Variants in MUC5B observed in about 807,000 individuals in gnomAD.
The protein encoded by MUC5B is mucin-5B.
In MUC5B, 116 loss-of-function variants were observed where a neutral mutation model predicts 376.9. The observed-to-expected ratio is 0.31, with a 90% CI of 0.26 to 0.36. The LOEUF (loss-of-function observed/expected upper bound fraction) is 0.36, where lower values mean the gene tolerates loss of function less well. MUC5B is among the 10% of genes least tolerant of loss of function. The pLI, the probability that MUC5B is intolerant of heterozygous loss-of-function variation, is 1.00. For synonymous variants in MUC5B, 3,517 were observed against 3,390.9 expected (o/e 1.04, Z -1.29); for missense variants, 7,165 against 7,769.9 (o/e 0.92, Z 2.93).
rs570220257 is a variant in MUC5B at position 1,233,361 on chromosome 11, C to G, written c.2321+93C>G. 147 of 1,372,838 alleles carry G rather than the reference C, an allele frequency of 1.1e-4. No homozygotes were observed. The Middle Eastern group carries it at 2.3e-3, about 22-fold the overall frequency. 85.0% of individuals were successfully genotyped at this position (1,372,838 alleles called of 1,614,324 possible). On this transcript the variant is annotated intron_variant, in intron 18 of 48. Transcript: ENST00000529681. ...GCTTCTGTGCCTCCCCCCGAGGGTTCTGAGACATGAGGGGCCAGGCTGGGG... is the reference window on the plus strand; with the variant it reads ...GCTTCTGTGCCTCCCCCCGAGGGTTGTGAGACATGAGGGGCCAGGCTGGGG...
rs1861946382 is a variant in MUC5B, at chr11:1,228,679, G to A, written c.890G>A (p.Cys297Tyr). Residue 297 changes from cysteine to tyrosine, a missense_variant, in exon 8 of 49, where the codon TGC becomes TAC. Physicochemically the swap from Cys to Tyr is radical, Grantham distance 194. Transcript: ENST00000529681. ...CAQDLCRCPTCPCATFVEYSR... is the reference protein window; with the variant it reads ...CAQDLCRCPTYPCATFVEYSR... Reference sequence around the variant, plus strand: ...CAGGACCTGTGCCGCTGCCCCACCTGCCCGTGTGCCACCTTTGTGGAATAC... The same window carrying A: ...CAGGACCTGTGCCGCTGCCCCACCTACCCGTGTGCCACCTTTGTGGAATAC... The A allele has an allele frequency of 6.5e-7, 1 of 1,534,452 alleles. No homozygotes were observed. Among genetic ancestry groups the A allele is most frequent in the Non-Finnish European group, 8.7e-7 (1 of 1,146,290 alleles).
chr11:1,230,951 G>A lies in MUC5B; in HGVS notation c.1486G>A (p.Ala496Thr). ...DGGDTAIRVQ[A>T]DGGVFLNSIY... ...CCTTCCGCAGGCCATCCGGGTCCAA[G>A]CGGACGGCGGCGTGTTCCTCAACTC... The change falls in exon 13 of 49, where the codon GCG (alanine) becomes ACG (threonine). Residue 496 changes from alanine (A) to threonine (T), a missense_variant. Transcript: ENST00000529681. The A allele has an allele frequency of 6.3e-7, 1 of 1,593,430 alleles. No individual in the cohort carries two copies. The highest frequency in any genetic ancestry group is 8.5e-7 in the Non-Finnish European group (1 of 1,171,426).
rs759468470 is a variant in MUC5B, at chr11:1,250,391, C to A, written c.13511C>A (p.Ala4504Glu). ...KATPSSSPGT[A>E]TALPALRSTA... is the part of the protein sequence containing the mutation. ...ACTCCCTCCTCCAGTCCAGGGACTG[C>A]AACTGCCCTTCCAGCACTGAGAAGC... is the stretch of plus-strand genomic sequence containing the variant. Residue 4504 changes from alanine to glutamate, a missense_variant, in exon 31 of 49, where the codon GCA becomes GAA. By Grantham distance (107) the Ala-to-Glu change is moderately radical (BLOSUM62 -1). Coordinates refer to ENST00000529681, the MANE Select transcript of MUC5B (RefSeq NM_002458.3). 1.2e-6 allele frequency: 2 copies of A among 1,613,410 alleles called. No homozygotes were observed. The highest frequency in any genetic ancestry group is 8.5e-7 in the Non-Finnish European group (1 of 1,179,646).
rs776969795 is a variant in MUC5B, at chr11:1,248,682, C to T, written c.11802C>T (p.Pro3934=). 77 of 1,589,600 alleles carry T rather than the reference C, an allele frequency of 4.8e-5. No individual in the cohort carries two copies. Among genetic ancestry groups the T allele is most frequent in the Non-Finnish European group, 6.4e-5 (75 of 1,168,664 alleles). The part of the protein sequence containing the change: ...TTVATGSMAT[P]SSSTQTSGTP... Reference sequence around the variant, plus strand: ...TGGCCACTGGTTCTATGGCAACACCCTCCTCTAGCACACAGACCAGTGGTA... The same window carrying T: ...TGGCCACTGGTTCTATGGCAACACCTTCCTCTAGCACACAGACCAGTGGTA... The change falls in exon 31 of 49, where the codon CCC becomes CCT. Residue 3934 remains proline, a synonymous_variant. Transcript: ENST00000529681.
At chr11:1,229,637 A>G in intron 9 of MUC5B, 53 bp from the exon 10 acceptor site, 2 of 1,444,932 alleles carry the variant, frequency 1.4e-6, no homozygotes, top group Admixed American at 4.0e-5. Flanking sequence ...GTGTCTTCTG[A>G]CCTTGGTGTC....
chr11:1,244,313 C>T lies in MUC5B; in HGVS notation c.7433C>T (p.Thr2478Ile), dbSNP rs368367812. 1,554 of 1,604,622 alleles carry T rather than the reference C, an allele frequency of 9.7e-4. 1 individual carries two copies. Among genetic ancestry groups the T allele is most frequent in the Non-Finnish European group, 1.2e-3 (1,443 of 1,175,448 alleles). The change falls in exon 31 of 49, where the codon ACC becomes ATC. Residue 2478 changes from threonine (T) to isoleucine (I), a missense_variant. Around this residue, in one of 31 missense-constraint regions of MUC5B, gnomAD observed 194 missense variants for 268.5 expected, o/e 0.72. Transcript: ENST00000529681. ...PSTTATVTVP[T>I]GSTATASSTQ... is the part of the protein sequence containing the mutation. ...ACTACAGCCACCGTGACGGTGCCCA[C>T]CGGATCCACGGCCACCGCCTCCTCC...
rs576869987 is a variant in MUC5B, at chr11:1,242,521, G to A, written c.5641G>A (p.Asp1881Asn). 2.0e-5 allele frequency: 33 copies of A among 1,613,702 alleles called. No homozygotes were observed. In the East Asian group the frequency reaches 4.0e-4, roughly 20 times the overall value. The change falls in exon 31 of 49, where the codon GAC becomes AAC. Residue 1881 changes from aspartate to asparagine, a missense_variant. Asp to Asn is a conservative substitution (Grantham distance 23). Coordinates refer to ENST00000529681, the MANE Select transcript of MUC5B (RefSeq NM_002458.3). ...NYNVRVLCCDDYSHCPSTPAT... is the reference protein window; with the variant it reads ...NYNVRVLCCDNYSHCPSTPAT... ...CAACGTGCGTGTGCTTTGCTGTGAC[G>A]ACTACAGCCACTGCCCCAGTACCCC...
chr11:1,228,307 TG>T (rs906230907), intron 7 of MUC5B, among the ~76,000 whole-genome samples: 10 of 151,894 alleles, frequency 6.6e-5, no homozygotes, highest in African/African-American at 2.2e-4. Flanking sequence ...CCTCCTGGGG[TG>T]GGGGTCTGCA....
At chr11:1,231,082 C>G (rs528126865) in intron 13 of MUC5B, 77 bp downstream of exon 13, 10 of 1,398,562 alleles carry the variant, frequency 7.2e-6, no homozygotes, top group Admixed American at 6.4e-5. Context: ...GGGCAGCGTC[C>G]GCTCCATCCC....
chr11:1,227,367 C>T lies in MUC5B; in HGVS notation c.636C>T (p.Gly212=), dbSNP rs1208727482. The T allele has an allele frequency of 2.5e-6, 4 of 1,612,322 alleles. No individual in the cohort carries two copies. In the East Asian group the frequency reaches 6.7e-5, roughly 27 times the overall value. The stretch of plus-strand genomic sequence containing the variant: ...GTGGCCTGTGTGGGGACTTCAACGG[C>T]CTCCCGGCCTTCAACGAGTTCTATG... ...QTCGLCGDFN[G]LPAFNEFYAH... is the part of the protein sequence containing the mutation. The change falls in exon 6 of 49, where the codon GGC becomes GGT. Residue 212 remains glycine, a synonymous_variant. Coordinates refer to ENST00000529681, the MANE Select transcript of MUC5B (RefSeq NM_002458.3).
At chr11:1,230,673 C>A in intron 12 of MUC5B, 73 bp downstream of exon 12, 3 of 1,366,972 alleles carry the variant, frequency 2.2e-6, no homozygotes, top group South Asian at 1.3e-5. Context: ...CAAGCACGGT[C>A]AGGTCCCCCT....
At chr11:1,237,210 T>A (rs899142690) in intron 25 of MUC5B, 46 bp downstream of exon 25, 5 of 1,354,092 alleles carry the variant, frequency 3.7e-6, no homozygotes, top group Admixed American at 3.4e-5. Flanking sequence ...GGATGGCAGT[T>A]GCTTCCTTCC....
rs1048157438 is a variant in MUC5B at position 1,227,503 on chromosome 11, G to A, written c.667+105G>A. 7.2e-6 allele frequency: 6 copies of A among 828,246 alleles called. No individual in the cohort carries two copies. The Admixed American group carries it at 1.2e-4, about 17-fold the overall frequency. The allele number at this position is 828,246 out of a possible 1,614,324, so 51.3% of individuals were successfully genotyped here. On this transcript the variant is annotated intron_variant, in intron 6 of 48. Coordinates refer to ENST00000529681, the MANE Select transcript of MUC5B (RefSeq NM_002458.3). The stretch of plus-strand genomic sequence containing the variant: ...GGGCGGAGTGGGGACCGGGCACCAG[G>A]CAGGGAGGGGCCACGAGGACTGTGC...
At position 1,232,639 on chromosome 11, in the gene MUC5B, C is replaced by T. The variant is rs75738943; in HGVS notation, c.1939-5C>T. ...CTGACGCCCCGATGCCTCCCACCTC[C>T]GCAGAACTGCATGTTTGACACCTGC... On this transcript the variant is annotated splice_polypyrimidine_tract_variant and splice_region_variant and intron_variant, in intron 16 of 48. Transcript: ENST00000529681. 6.0e-5 allele frequency: 96 copies of T among 1,601,130 alleles called. No individual in the cohort carries two copies. Among genetic ancestry groups the T allele is most frequent in the South Asian group, 1.3e-4 (12 of 89,032 alleles).
Position 1,255,378 on chromosome 11 carries a change from C to G in MUC5B, c.15891-5C>G. Reference sequence around the variant, plus strand: ...GCCCTCCGTCCTGATCGCTTTGCCCCACAGGGTCTTTGCTGAGTGCCACAA... The same window carrying G: ...GCCCTCCGTCCTGATCGCTTTGCCCGACAGGGTCTTTGCTGAGTGCCACAA... On this transcript the variant is annotated splice_polypyrimidine_tract_variant and splice_region_variant and intron_variant, in intron 36 of 48. Coordinates refer to ENST00000529681, the MANE Select transcript of MUC5B (RefSeq NM_002458.3). 2.5e-6 allele frequency: 4 copies of G among 1,588,356 alleles called. No individual in the cohort carries two copies. The highest frequency in any genetic ancestry group is 3.4e-6 in the Non-Finnish European group (4 of 1,164,450).
Position 1,240,307 on chromosome 11 carries a change from C to A in MUC5B, c.3902C>A (p.Ala1301Glu), listed in dbSNP as rs555568949. 73 of 1,613,364 alleles carry A rather than the reference C, an allele frequency of 4.5e-5. No homozygotes were observed. The highest frequency in any genetic ancestry group is 5.8e-5 in the Non-Finnish European group (69 of 1,179,550). ...GGCACCATCATCAGGAAGGCTGTGG[C>A]ATGTCCTGGAACTCCAGCCACAACG... is the stretch of plus-strand genomic sequence containing the variant. ...SNGTIIRKAV[A>E]CPGTPATTPF... The change falls in exon 30 of 49, where the codon GCA becomes GAA. Residue 1301 changes from alanine (A) to glutamate (E), a missense_variant. Ala to Glu is a moderately radical substitution (Grantham distance 107). This residue lies in a region of MUC5B where 517 missense variants were observed against 545.3 expected (regional missense o/e 0.95). Coordinates refer to ENST00000529681, the MANE Select transcript of MUC5B (RefSeq NM_002458.3).
At position 1,227,354 on chromosome 11, in the gene MUC5B, G is replaced by A; in HGVS notation, c.623G>A (p.Gly208Glu). The A allele has an allele frequency of 6.2e-7, 1 of 1,612,764 alleles. No homozygotes were observed. Among genetic ancestry groups the A allele is most frequent in the Non-Finnish European group, 8.5e-7 (1 of 1,179,756 alleles). The change falls in exon 6 of 49, where the codon GGG becomes GAG. Residue 208 changes from glycine to glutamate, a missense_variant. By Grantham distance (98) the Gly-to-Glu change is moderately conservative. Transcript: ENST00000529681. ...KYANQTCGLCGDFNGLPAFNE... is the reference protein window; with the variant it reads ...KYANQTCGLCEDFNGLPAFNE... ...GCCAACCAGACCTGTGGCCTGTGTG[G>A]GGACTTCAACGGCCTCCCGGCCTTC...
Position 1,242,991 on chromosome 11 carries a change from C to T in MUC5B, c.6111C>T (p.Ala2037=). The change falls in exon 31 of 49, where the codon GCC becomes GCT. Residue 2037 remains alanine (A), a synonymous_variant. Transcript: ENST00000529681. The part of the protein sequence containing the change: ...ATTTGATGSV[A]TPSSTPGTAH... ...CAACTGGGGCCACCGGCTCTGTGGCCACCCCCTCCTCCACCCCAGGAACAG... is the reference window on the plus strand; with the variant it reads ...CAACTGGGGCCACCGGCTCTGTGGCTACCCCCTCCTCCACCCCAGGAACAG... The T allele has an allele frequency of 2.5e-6, 4 of 1,613,124 alleles. No individual in the cohort carries two copies. Among genetic ancestry groups the T allele is most frequent in the Non-Finnish European group, 3.4e-6 (4 of 1,179,380 alleles).
At chr11:1,236,829 C>A in intron 24 of MUC5B, 96 bp from the exon 25 acceptor site, 1 of 1,373,330 alleles carries the variant, frequency 7.3e-7, no homozygotes, top group Non-Finnish European at 9.5e-7. Context: ...CCCTCCATCC[C>A]CCGAGGGCTC....
Sources: gnomAD v4.1 joint callset for allele counts (sites outside exome capture counted in the v4.1 genomes callset) on GRCh38, gnomAD v4.1.1 for gene constraint, gnomAD v4.1.1 regional missense constraint, MANE v1.5 for transcripts, NCBI Gene and HGNC (gene_info 2026-07-23, HGNC 2026-07-21) for gene names.